RASGRP3: variants seen among roughly 807,000 people sequenced by gnomAD.
RASGRP3 encodes ras guanyl-releasing protein 3.
RASGRP3 carries 54 observed loss-of-function variants against 82.7 expected under a neutral mutation model. The observed-to-expected ratio is 0.65, with a 90% CI of 0.52 to 0.82. The LOEUF (loss-of-function observed/expected upper bound fraction) is 0.82. Among genes scored for constraint, RASGRP3 ranks in the 40% least tolerant of loss-of-function variants. RASGRP3 has a pLI of 0.00. For synonymous variants in RASGRP3, 309 were observed against 300.5 expected, an observed-to-expected ratio of 1.03 and a Z score of -0.29; for missense variants, 861 against 828.9, an observed-to-expected ratio of 1.04 and a Z score of -0.48.
intron 10 of RASGRP3, 174 bp from the exon 11 acceptor site, chr2:33,534,149 G>T: frequency 8.7e-6 from 5 of 577,706 alleles, no homozygotes; most frequent in East Asian, 3.0e-5. Context: ...CAGGATTAAC[G>T]TTTTCTCTTT....
intron 17 of RASGRP3, chr2:33,559,770 A>G: frequency 2.5e-6 from 1 of 404,598 alleles, no homozygotes; most frequent in Middle Eastern, 4.1e-4. Context: ...GTTCTCATAA[A>G]CAGAATATTG....
rs77318495 is a variant in RASGRP3, at chr2:33,501,136, C to T, written c.-260-10574C>T. Among the ~76,000 whole-genome samples, 1,098 of 152,248 alleles carry T rather than the reference C, an allele frequency of 7.2e-3. 23 individuals carry two copies. The highest frequency in any genetic ancestry group is 0.025 in the African/African-American group (1,021 of 41,540). On this transcript the variant is annotated intron_variant, in intron 1 of 17. Coordinates refer to ENST00000403687, the MANE Select transcript of RASGRP3 (RefSeq NM_001139488.2). ...TCTCCTTTCTGTCGCTATAGATTTG[C>T]CTATTCTACATATTTTCTATAAATG... is the stretch of plus-strand genomic sequence containing the variant.
chr2:33,461,677 T>G (rs1300070864), intron 2 of RASGRP3, among the ~76,000 whole-genome samples: 1 of 152,230 alleles, frequency 6.6e-6, no homozygotes, highest in Admixed American at 6.5e-5. Context: ...AGATCCTCAT[T>G]CCTCAGCAGA....
intron 1 of RASGRP3, among the ~76,000 whole-genome samples, chr2:33,480,083 C>T (rs1490696284): frequency 6.8e-6 from 1 of 147,816 alleles, no homozygotes; most frequent in Non-Finnish European, 1.5e-5. Flanking sequence ...CGCTCTGTCG[C>T]CCAGGCTGGA....
chr2:33,495,524 G>C (rs1292725701), intron 1 of RASGRP3, among the ~76,000 whole-genome samples: 1 of 152,074 alleles, frequency 6.6e-6, no homozygotes, highest in Non-Finnish European at 1.5e-5. Context: ...CCATGGCCCA[G>C]GGGTTGGGGA....
upstream of RASGRP3, among the ~76,000 whole-genome samples, chr2:33,473,759 T>C (rs73926675): frequency 3.7e-3 from 556 of 152,152 alleles, no homozygotes; most frequent in African/African-American, 0.013. Flanking sequence ...ATAGGGAGGA[T>C]TGAGGATCCA....
In RASGRP3 at chr2:33,463,173, T is replaced by C. The variant is rs188870408; in HGVS notation, c.-261+15230T>C. Among the ~76,000 whole-genome samples, 5 of 152,314 alleles carry C rather than the reference T, an allele frequency of 3.3e-5. No homozygotes were observed. In the East Asian group the frequency reaches 9.6e-4, roughly 29 times the overall value. On this transcript the variant is annotated intron_variant, in intron 2 of 18. Coordinates refer to the RASGRP3 transcript ENST00000402538. ...GGAGAAAGCTGTGTGTAAGTAATTA[T>C]GCTAAACAAGGTGTTTTGTGGCATG...
intron 4 of RASGRP3, among the ~76,000 whole-genome samples, chr2:33,517,916 T>C (rs1327118448): frequency 6.6e-6 from 1 of 152,208 alleles, no homozygotes; most frequent in African/African-American, 2.4e-5. Context: ...TCCCTTTGGA[T>C]TCCTTGCTCA....
At chr2:33,529,649 T>A (rs933790998) in intron 10 of RASGRP3, among the ~76,000 whole-genome samples, 2 of 152,100 alleles carry the variant, frequency 1.3e-5, no homozygotes, top group African/African-American at 4.8e-5. Context: ...AACTGCAGTG[T>A]TGGGTAGCAT....
chr2:33,511,645 T>C (rs950889067), intron 1 of RASGRP3, 65 bp from the exon 2 acceptor site: 2 of 152,640 alleles, frequency 1.3e-5, no homozygotes, highest in African/African-American at 4.8e-5. Context: ...TTTAACACAA[T>C]GTGGATTCTT....
Position 33,562,820 on chromosome 2 carries a change from C to A in RASGRP3, c.*83C>A. On this transcript the variant is annotated 3_prime_UTR_variant, in exon 18 of 18. Coordinates refer to ENST00000403687, the MANE Select transcript of RASGRP3 (RefSeq NM_001139488.2). ...AAACTCTGAAGAAAGCTCTGACTCT[C>A]AGGAAGTTATCTGGAAAGATACCTG... 1.3e-6 allele frequency: 2 copies of A among 1,527,796 alleles called. No individual in the cohort carries two copies. The highest frequency in any genetic ancestry group is 1.8e-6 in the Non-Finnish European group (2 of 1,105,192). The allele number at this position is 1,527,796 out of a possible 1,614,324, so 94.6% of individuals were successfully genotyped here.
intron 1 of RASGRP3, among the ~76,000 whole-genome samples, chr2:33,492,130 C>T (rs551578456): frequency 6.6e-6 from 1 of 152,294 alleles, no homozygotes; most frequent in East Asian, 1.9e-4. Flanking sequence ...TGGTGAGAAT[C>T]AGGAGGTGAA....
chr2:33,540,910 C>CA (rs1674235258), intron 12 of RASGRP3, among the ~76,000 whole-genome samples: 1 of 145,296 alleles, frequency 6.9e-6, no homozygotes, highest in Non-Finnish European at 1.5e-5. Context: ...CTGTTACCTA[C>CA]AAAAAAGCTT....
intron 7 of RASGRP3, 101 bp from the exon 8 acceptor site, chr2:33,523,775 GTGT>G: frequency 1.8e-6 from 2 of 1,129,162 alleles, no homozygotes; most frequent in Non-Finnish European, 2.5e-6. Flanking sequence ...AAAAGAAATT[GTGT>G]TGTTACGAAA....
intron 14 of RASGRP3, among the ~76,000 whole-genome samples, chr2:33,550,265 A>G (rs1574486079): frequency 6.6e-6 from 1 of 152,222 alleles, no homozygotes; most frequent in Non-Finnish European, 1.5e-5. Flanking sequence ...TTCCATAGAC[A>G]TTATGGTAAC....
intron 1 of RASGRP3, among the ~76,000 whole-genome samples, chr2:33,440,831 G>A (rs907445921): frequency 4.6e-5 from 7 of 151,998 alleles, no homozygotes; most frequent in African/African-American, 1.7e-4. Flanking sequence ...CAAAAATCCC[G>A]AATACAATAC....
chr2:33,454,716 G>A (rs1284689948), intron 2 of RASGRP3, among the ~76,000 whole-genome samples: 3 of 152,124 alleles, frequency 2.0e-5, no homozygotes, highest in Non-Finnish European at 4.4e-5. Context: ...GGGGGACCCT[G>A]GTCTCTGGAC....
chr2:33,552,550 T>G (rs1445942986), intron 14 of RASGRP3, among the ~76,000 whole-genome samples: 4 of 151,218 alleles, frequency 2.6e-5, no homozygotes, highest in African/African-American at 9.9e-5. Flanking sequence ...AAAAGCCCAT[T>G]GGTTTTCAAA....
intron 13 of RASGRP3, among the ~76,000 whole-genome samples, chr2:33,544,206 T>G (rs2151079639): frequency 6.6e-6 from 1 of 151,984 alleles, no homozygotes; most frequent in East Asian, 1.9e-4. Context: ...CCCAGCTACT[T>G]GGGTGGCTGA....
Sources: gnomAD v4.1 joint callset for allele counts (sites outside exome capture counted in the v4.1 genomes callset) on GRCh38, gnomAD v4.1.1 for gene constraint, MANE v1.5 for transcripts, NCBI Gene and HGNC (gene_info 2026-07-23, HGNC 2026-07-21) for gene names.